The following COL7A1 variants were observed in gnomAD, a reference collection of about 807,000 sequenced individuals.
COL7A1 encodes the protein collagen alpha-1(VII) chain.
Under a neutral mutation model 456.2 loss-of-function variants are expected in COL7A1, and 296 were observed. That is an observed-to-expected ratio of 0.65 (90% CI 0.59 to 0.71). The LOEUF is 0.71. COL7A1 is among the 30% of genes least tolerant of loss of function. The pLI, the probability that COL7A1 is intolerant of heterozygous loss-of-function variation, is 0.00. For missense variants in COL7A1, 3,441 were observed against 4,017.2 expected (o/e 0.86, Z 3.88); for synonymous variants, 1,464 against 1,525.9 (o/e 0.96, Z 0.95).
At position 48,571,030 on chromosome 3, in the gene COL7A1, C is replaced by G; in HGVS notation, c.7165-62G>C. ...GCAGGACCCCTCCCAGGACTCTCAT[C>G]AGAACTCCCTCTTCCTCCTGTGGGG... is the stretch of plus-strand genomic sequence containing the variant. On this transcript the variant is annotated intron_variant, in intron 94 of 118. Coordinates refer to ENST00000681320, the MANE Select transcript of COL7A1 (RefSeq NM_000094.4). This position sits in a 1 kb window ranked among gnomAD's most constrained non-coding sequence, Gnocchi z 4.6. The G allele has an allele frequency of 6.2e-7, 1 of 1,612,172 alleles. No individual in the cohort carries two copies. Among genetic ancestry groups the G allele is most frequent in the Non-Finnish European group, 8.5e-7 (1 of 1,178,490 alleles).
rs1486508439 is a variant in COL7A1, at chr3:48,587,197, C to G, written c.3132G>C (p.Gln1044His). ...CCACTACGCCCACTATACCTGGCGTCTGTGTGACAGATGCCTCAGGACCCC... is the reference window on the plus strand; with the variant it reads ...CCACTACGCCCACTATACCTGGCGTGTGTGTGACAGATGCCTCAGGACCCC... ...GVRGPEASVT[Q>H]TPVCPRGLAD... is the part of the protein sequence containing the mutation. Residue 1044 changes from glutamine to histidine, a missense_variant, in exon 24 of 119, where the codon CAG becomes CAC. Transcript: ENST00000681320. This position sits in a 1 kb window ranked among gnomAD's most constrained non-coding sequence, Gnocchi z 6.1. 33 of 1,613,598 alleles carry G rather than the reference C, an allele frequency of 2.0e-5. No homozygotes were observed. Among genetic ancestry groups the G allele is most frequent in the Non-Finnish European group, 2.6e-5 (31 of 1,179,956 alleles).
Position 48,586,645 on chromosome 3 carries a change from T to C in COL7A1, c.3321A>G (p.Pro1107=), listed in dbSNP as rs754738046. Residue 1107 remains proline, a synonymous_variant, in exon 26 of 119, where the codon CCA becomes CCG. Transcript: ENST00000681320. This position sits in a 1 kb window ranked among gnomAD's most constrained non-coding sequence, Gnocchi z 5.1. ...SYSHRPSPLF[P]LNGSHDLGII... is the part of the protein sequence containing the mutation. ...TGCCAAGGTCATGGGAGCCATTCAG[T>C]GGGAACAGTGGGGAGGGCCGATGAC... 4 of 1,612,704 alleles carry C rather than the reference T, an allele frequency of 2.5e-6. No individual in the cohort carries two copies. The Admixed American group carries it at 6.7e-5, about 27-fold the overall frequency.
rs775015236 is a variant in COL7A1, at chr3:48,572,820, G to C, written c.6831+42C>G. On this transcript the variant is annotated intron_variant, in intron 87 of 118. Transcript: ENST00000681320. The surrounding 1 kb of genome is among the most constrained non-coding windows in gnomAD (Gnocchi z 4.6). The stretch of plus-strand genomic sequence containing the variant: ...CCACTCCTCATATTTCAGGCCCACA[G>C]CTGGGCACCACACCCTAGCGAGCTG... 4.3e-6 allele frequency: 7 copies of C among 1,613,120 alleles called. No individual in the cohort carries two copies. The highest frequency in any genetic ancestry group is 1.7e-5 in the Admixed American group (1 of 59,972).
Position 48,585,861 on chromosome 3 carries a change from G to T in COL7A1, c.3760-5C>A, listed in dbSNP as rs1286484364. 2 of 1,614,122 alleles carry T rather than the reference G, an allele frequency of 1.2e-6. No individual in the cohort carries two copies. The highest frequency in any genetic ancestry group is 1.7e-5 in the Admixed American group (1 of 60,026). The stretch of plus-strand genomic sequence containing the variant: ...TCCAGGTTCCCCCTTCTGGCCCTGG[G>T]GAAAGACATGTCAGATGTGGGTCAG... On this transcript the variant is annotated splice_polypyrimidine_tract_variant and splice_region_variant and intron_variant, in intron 29 of 118. Transcript: ENST00000681320. The surrounding 1 kb of genome is among the most constrained non-coding windows in gnomAD (Gnocchi z 4.5).
Position 48,576,867 on chromosome 3 carries a change from A to G in COL7A1, c.5604+17T>C. 2 of 1,614,058 alleles carry G rather than the reference A, an allele frequency of 1.2e-6. No individual in the cohort carries two copies. Among genetic ancestry groups the G allele is most frequent in the African/African-American group, 1.3e-5 (1 of 75,028 alleles). On this transcript the variant is annotated intron_variant, in intron 67 of 118. Transcript: ENST00000681320. ...CAGGGTCAGGGGTCAGAGGTTGCAGAAAACTCCAATACTCACTTCTCTCCC... is the reference window on the plus strand; with the variant it reads ...CAGGGTCAGGGGTCAGAGGTTGCAGGAAACTCCAATACTCACTTCTCTCCC...
In COL7A1 at chr3:48,587,633, C is replaced by T. The variant is rs753169865; in HGVS notation, c.2858-79G>A. 2.0e-5 allele frequency: 32 copies of T among 1,608,946 alleles called. No homozygotes were observed. The highest frequency in any genetic ancestry group is 2.2e-5 in the Non-Finnish European group (26 of 1,176,556). On this transcript the variant is annotated intron_variant, in intron 22 of 118. Transcript: ENST00000681320. The surrounding 1 kb of genome is among the most constrained non-coding windows in gnomAD (Gnocchi z 6.1). ...AGGGAGAGATCTGAGATCCTGGGTCCGGTTTGTCTTATTGAAGCATCATGG... is the reference window on the plus strand; with the variant it reads ...AGGGAGAGATCTGAGATCCTGGGTCTGGTTTGTCTTATTGAAGCATCATGG...
chr3:48,567,431 A>G lies in COL7A1; in HGVS notation c.8046+143T>C. The G allele has an allele frequency of 8.2e-7, 1 of 1,218,986 alleles. No individual in the cohort carries two copies. The highest frequency in any genetic ancestry group is 1.2e-6 in the Non-Finnish European group (1 of 839,522). The allele number at this position is 1,218,986 out of a possible 1,614,324, so 75.5% of individuals were successfully genotyped here. A position where few individuals can be genotyped will look rare whatever the true frequency, so the allele number is the denominator to read the frequency against. On this transcript the variant is annotated intron_variant, in intron 109 of 118. Coordinates refer to ENST00000681320, the MANE Select transcript of COL7A1 (RefSeq NM_000094.4). The surrounding 1 kb of genome is among the most constrained non-coding windows in gnomAD (Gnocchi z 4.3). ...TCCACTGTGACCCCAACCCACCTTG[A>G]CACCTCGAGACCAGCCCCACTTCAG...
chr3:48,589,372 C>T lies in COL7A1; in HGVS notation c.2269G>A (p.Val757Met). Residue 757 changes from valine (V) to methionine (M), a missense_variant, in exon 18 of 119, where the codon GTG becomes ATG. Transcript: ENST00000681320. ...GCAGGGGGCCCATCCACGCCAGCCACATGGGCCCTCACATGCACCGTATAC... is the reference window on the plus strand; with the variant it reads ...GCAGGGGGCCCATCCACGCCAGCCATATGGGCCCTCACATGCACCGTATAC... ...TEYTVHVRAH[V>M]AGVDGPPASV... 1.2e-6 allele frequency: 2 copies of T among 1,613,250 alleles called. No homozygotes were observed. Among genetic ancestry groups the T allele is most frequent in the Non-Finnish European group, 1.7e-6 (2 of 1,180,010 alleles).
rs377320011 is a variant in COL7A1 at position 48,572,779 on chromosome 3, C to G, written c.6832-40G>C. 54 of 1,611,566 alleles carry G rather than the reference C, an allele frequency of 3.4e-5. No individual in the cohort carries two copies. The highest frequency in any genetic ancestry group is 3.3e-4 in the Middle Eastern group (2 of 6,078). On this transcript the variant is annotated intron_variant, in intron 87 of 118. Coordinates refer to ENST00000681320, the MANE Select transcript of COL7A1 (RefSeq NM_000094.4). This position sits in a 1 kb window ranked among gnomAD's most constrained non-coding sequence, Gnocchi z 4.6. Reference sequence around the variant, plus strand: ...CGTGAGGAACTCAGTGCCTCTCCACCACCACCCCTGCTGCCCCACTCCTCA... The same window carrying G: ...CGTGAGGAACTCAGTGCCTCTCCACGACCACCCCTGCTGCCCCACTCCTCA...
chr3:48,586,579 T>G lies in COL7A1; in HGVS notation c.3387A>C (p.Pro1129=). 6.2e-7 allele frequency: 1 copy of G among 1,613,770 alleles called. No individual in the cohort carries two copies. Among genetic ancestry groups the G allele is most frequent in the Non-Finnish European group, 8.5e-7 (1 of 1,180,014 alleles). The change falls in exon 26 of 119, where the codon CCA becomes CCC. Residue 1129 remains proline (P), a synonymous_variant. Transcript: ENST00000681320. The surrounding 1 kb of genome is among the most constrained non-coding windows in gnomAD (Gnocchi z 5.1). Reference sequence around the variant, plus strand: ...AGTCCTCACCCAGGTTGTTCCCACTTGGGTCCATGTAGGGCATGTCACGGA... The same window carrying G: ...AGTCCTCACCCAGGTTGTTCCCACTGGGGTCCATGTAGGGCATGTCACGGA... The part of the protein sequence containing the change: ...QRIRDMPYMD[P]SGNNLGTAVV...
At position 48,587,445 on chromosome 3, in the gene COL7A1, C is replaced by A; in HGVS notation, c.2967G>T (p.Trp989Cys). Residue 989 changes from tryptophan (W) to cysteine (C), a missense_variant, in exon 23 of 119, where the codon TGG becomes TGT. Trp to Cys is a radical substitution (Grantham distance 215). Around this residue, in one of 3 missense-constraint regions of COL7A1, gnomAD observed 444 missense variants for 427.6 expected, o/e 1.04. Transcript: ENST00000681320. The surrounding 1 kb of genome is among the most constrained non-coding windows in gnomAD (Gnocchi z 6.1). ...CCTGGCCAGGGCCTCTGAGTGGCCG[C>A]CAGGATAGGATGTAGCTGGATGCCC... ...VSRASSYILSWRPLRGPGQEV... is the reference protein window; with the variant it reads ...VSRASSYILSCRPLRGPGQEV... 2.5e-6 allele frequency: 4 copies of A among 1,613,282 alleles called. No homozygotes were observed. The highest frequency in any genetic ancestry group is 3.4e-6 in the Non-Finnish European group (4 of 1,180,012).
Position 48,587,069 on chromosome 3 carries a change from T to C in COL7A1, c.3179A>G (p.His1060Arg). ...RGLADVVFLP[H>R]ATQDNAHRAE... Reference sequence around the variant, plus strand: ...ACGGTGAGCATTGTCTTGAGTGGCATGTGGTAGGAACACCACATCCGCCAG... The same window carrying C: ...ACGGTGAGCATTGTCTTGAGTGGCACGTGGTAGGAACACCACATCCGCCAG... The change falls in exon 25 of 119, where the codon CAT (histidine) becomes CGT (arginine). Residue 1060 changes from histidine to arginine, a missense_variant. By Grantham distance (29) the His-to-Arg change is conservative. Around this residue, in one of 3 missense-constraint regions of COL7A1, gnomAD observed 444 missense variants for 427.6 expected, o/e 1.04. Transcript: ENST00000681320. This position sits in a 1 kb window ranked among gnomAD's most constrained non-coding sequence, Gnocchi z 6.1. 2 of 1,611,388 alleles carry C rather than the reference T, an allele frequency of 1.2e-6. No individual in the cohort carries two copies. Among genetic ancestry groups the C allele is most frequent in the South Asian group, 1.1e-5 (1 of 90,478 alleles).
At chr3:48,582,130 C>A (rs1310441152) in intron 47 of COL7A1, among the ~76,000 whole-genome samples, 187 bp from the exon 48 acceptor site, 1 of 152,190 alleles carries the variant, frequency 6.6e-6, no homozygotes, top group South Asian at 2.1e-4. Context: ...AGCTCATGAC[C>A]TGCATGGCGG....
chr3:48,566,270 A>G lies in COL7A1; in HGVS notation c.8404T>C (p.Cys2802Arg). ...CTGCGGGCTGGGCACCACTCACCAC[A>G]GTGCTGACTCATCTCTTGGCGCACA... The part of the protein sequence containing the change: ...GFVRQEMSQH[C>R]ACQGQFIASG... The change falls in exon 114 of 119, where the codon TGT (cysteine) becomes CGT (arginine). Residue 2802 changes from cysteine to arginine, a missense_variant. By Grantham distance (180) the Cys-to-Arg change is radical. This residue lies in a region of COL7A1 where 2,084 missense variants were observed against 2,501.3 expected (regional missense o/e 0.83). Transcript: ENST00000681320. The surrounding 1 kb of genome is among the most constrained non-coding windows in gnomAD (Gnocchi z 5.9). 6.2e-7 allele frequency: 1 copy of G among 1,600,386 alleles called. No homozygotes were observed. The highest frequency in any genetic ancestry group is 8.5e-7 in the Non-Finnish European group (1 of 1,174,564).
rs1036187125 is a variant in COL7A1 at position 48,583,286 on chromosome 3, C to G, written c.4437+107G>C. 88 of 1,606,670 alleles carry G rather than the reference C, an allele frequency of 5.5e-5. No individual in the cohort carries two copies. Among genetic ancestry groups the G allele is most frequent in the Non-Finnish European group, 7.2e-5 (85 of 1,174,988 alleles). On this transcript the variant is annotated intron_variant, in intron 42 of 118. Coordinates refer to ENST00000681320, the MANE Select transcript of COL7A1 (RefSeq NM_000094.4). The surrounding 1 kb of genome is among the most constrained non-coding windows in gnomAD (Gnocchi z 5.1). ...CAACCACCCCCTCCAAAACCACGAC[C>G]TCTGACCTGGAGGGAACTCTTATCT...
chr3:48,567,099 A>G lies in COL7A1; in HGVS notation c.8109+29T>C, dbSNP rs375863934. 8.1e-6 allele frequency: 13 copies of G among 1,612,928 alleles called. No individual in the cohort carries two copies. In the African/African-American group the frequency reaches 1.6e-4, roughly 20 times the overall value. Reference sequence around the variant, plus strand: ...CTCTCCCAAAGTGCACGCTCCCCTCAATTCACCATGACCATGGCTTCAACT... The same window carrying G: ...CTCTCCCAAAGTGCACGCTCCCCTCGATTCACCATGACCATGGCTTCAACT... On this transcript the variant is annotated intron_variant, in intron 110 of 118. Transcript: ENST00000681320. This position sits in a 1 kb window ranked among gnomAD's most constrained non-coding sequence, Gnocchi z 4.3.
rs1437740725 is a variant in COL7A1, at chr3:48,573,875, T to C, written c.6517A>G (p.Arg2173Gly). ...PEGKPGLQGPRGPPGPVGGHG... is the reference protein window; with the variant it reads ...PEGKPGLQGPGGPPGPVGGHG... ...CTCACCACTGGGCCAGGGGGGCCTCTTGGACCCTGCAGACCCTACATAGAG... is the reference window on the plus strand; with the variant it reads ...CTCACCACTGGGCCAGGGGGGCCTCCTGGACCCTGCAGACCCTACATAGAG... The change falls in exon 81 of 119, where the codon AGA (arginine) becomes GGA (glycine). Residue 2173 changes from arginine to glycine, a missense_variant. Arg to Gly is a moderately radical substitution (Grantham distance 125, BLOSUM62 -2). This residue lies in a region of COL7A1 where 2,084 missense variants were observed against 2,501.3 expected (regional missense o/e 0.83). Coordinates refer to ENST00000681320, the MANE Select transcript of COL7A1 (RefSeq NM_000094.4). This position sits in a 1 kb window ranked among gnomAD's most constrained non-coding sequence, Gnocchi z 5.5. 6.2e-7 allele frequency: 1 copy of C among 1,613,692 alleles called. No homozygotes were observed. Among genetic ancestry groups the C allele is most frequent in the Non-Finnish European group, 8.5e-7 (1 of 1,179,998 alleles).
chr3:48,584,069 A>G lies in COL7A1; in HGVS notation c.4198-8T>C, dbSNP rs1486305520. 1.2e-6 allele frequency: 2 copies of G among 1,613,992 alleles called. No homozygotes were observed. Among genetic ancestry groups the G allele is most frequent in the Non-Finnish European group, 1.7e-6 (2 of 1,180,028 alleles). ...ACGATCGCCTTTGTCACCCTAGAAAACAGATGACGACCCCATGACCCTGGG... is the reference window on the plus strand; with the variant it reads ...ACGATCGCCTTTGTCACCCTAGAAAGCAGATGACGACCCCATGACCCTGGG... On this transcript the variant is annotated splice_polypyrimidine_tract_variant and splice_region_variant and intron_variant, in intron 37 of 118. Coordinates refer to ENST00000681320, the MANE Select transcript of COL7A1 (RefSeq NM_000094.4).
Position 48,593,509 on chromosome 3 carries a change from T to C in COL7A1, c.426+28A>G. The C allele has an allele frequency of 6.2e-7, 1 of 1,614,048 alleles. No homozygotes were observed. Among genetic ancestry groups the C allele is most frequent in the Non-Finnish European group, 8.5e-7 (1 of 1,180,002 alleles). ...CTGGACACTTCATTTGGGGTCATCT[T>C]GGGAGGCATGGTAGGGGTAGGGATC... On this transcript the variant is annotated intron_variant, in intron 4 of 118. Transcript: ENST00000681320. The surrounding 1 kb of genome is among the most constrained non-coding windows in gnomAD (Gnocchi z 4.4).
Sources: allele counts gnomAD v4.1 joint callset (sites outside exome capture counted in the v4.1 genomes callset), GRCh38; gene constraint gnomAD v4.1.1; regional missense constraint gnomAD v4.1.1; non-coding constraint Gnocchi (gnomAD v3.1); transcripts MANE v1.5; gene names NCBI Gene and HGNC (gene_info 2026-07-23, HGNC 2026-07-21).